Variants in KALRN observed in about 807,000 individuals in gnomAD.
KALRN encodes kalirin.
KALRN carries 70 observed loss-of-function variants against 353.7 expected under a neutral mutation model. That is an observed-to-expected ratio of 0.20 (90% CI 0.16 to 0.24). The LOEUF (loss-of-function observed/expected upper bound fraction) is 0.24. Ranked by LOEUF, KALRN falls within the 10% of genes least tolerant of loss-of-function variation. The pLI is 1.00. For synonymous variants in KALRN, 1,391 were observed against 1,434.8 expected, an observed-to-expected ratio of 0.97 and a Z score of 0.69; for missense variants, 2,791 against 3,756.7, an observed-to-expected ratio of 0.74 and a Z score of 6.72.
At chr3:124,392,978 C>T (rs1199965875) in intron 11 of KALRN, among the ~76,000 whole-genome samples, 3 of 132,052 alleles carry the variant, frequency 2.3e-5, no homozygotes, top group Non-Finnish European at 4.8e-5. Flanking sequence ...TGATATTCCC[C>T]TTCCGGAGAC....
intron 33 of KALRN, among the ~76,000 whole-genome samples, chr3:124,529,033 T>C (rs1020958941): frequency 2.6e-5 from 4 of 152,176 alleles, no homozygotes; most frequent in African/African-American, 7.2e-5. Context: ...TGAACTTATA[T>C]GTACGTGTAG....
intron 1 of KALRN, among the ~76,000 whole-genome samples, chr3:124,199,199 T>C (rs1183722380): frequency 6.6e-6 from 1 of 152,210 alleles, no homozygotes; most frequent in African/African-American, 2.4e-5. Context: ...CTGCTTCCAG[T>C]CTAGGCTTCT....
intron 1 of KALRN, among the ~76,000 whole-genome samples, chr3:124,156,661 G>A (rs958457395): frequency 7.9e-5 from 12 of 152,166 alleles, no homozygotes; most frequent in Admixed American, 3.3e-4. Context: ...CCCAGGATCT[G>A]CCATTGAGCT....
At chr3:124,377,714 T>C (rs2086779143) in intron 10 of KALRN, among the ~76,000 whole-genome samples, 1 of 152,234 alleles carries the variant, frequency 6.6e-6, no homozygotes, top group South Asian at 2.1e-4. Context: ...TAGTTTGAAC[T>C]TTTGTTGATA....
chr3:124,054,763 G>T (rs186847005), intron 1 of KALRN, among the ~76,000 whole-genome samples: 2 of 152,314 alleles, frequency 1.3e-5, no homozygotes, highest in Non-Finnish European at 2.9e-5. Flanking sequence ...AGCTTTGTGA[G>T]TTGTATGATA....
intron 1 of KALRN, among the ~76,000 whole-genome samples, chr3:124,176,353 A>G (rs1162375196): frequency 6.6e-6 from 1 of 152,124 alleles, no homozygotes; most frequent in African/African-American, 2.4e-5. Context: ...ATCCACGCAG[A>G]TTACCCACAT....
intron 14 of KALRN, among the ~76,000 whole-genome samples, chr3:124,415,956 A>C (rs1576738785): frequency 6.6e-6 from 1 of 152,218 alleles, no homozygotes; most frequent in Non-Finnish European, 1.5e-5. Context: ...ACTGTACCTT[A>C]TTAGGGAAGT....
rs756002014 is a variant in KALRN, at chr3:124,699,895, G to T, written c.7858G>T (p.Ala2620Ser). 6.2e-7 allele frequency: 1 copy of T among 1,614,180 alleles called. No individual in the cohort carries two copies. Among genetic ancestry groups the T allele is most frequent in the Admixed American group, 1.7e-5 (1 of 60,032 alleles). Reference protein sequence around the residue: ...EGSQIWQQSVASTLDTYLVIE... With the variant: ...EGSQIWQQSVSSTLDTYLVIE... ...TTCTCAGATCTGGCAGCAGTCAGTG[G>T]CTTCGACCTTGGACACTTACCTCGT... is the stretch of plus-strand genomic sequence containing the variant. The change falls in exon 56 of 60, where the codon GCT becomes TCT. Residue 2620 changes from alanine (A) to serine (S), a missense_variant. By Grantham distance (99) the Ala-to-Ser change is moderately conservative. This residue lies in a region of KALRN where 1,065 missense variants were observed against 1,156.4 expected (regional missense o/e 0.92). Coordinates refer to ENST00000682506, the MANE Select transcript of KALRN (RefSeq NM_001388419.1).
At position 124,632,661 on chromosome 3, in the gene KALRN, G is replaced by A. The variant is rs1561477455; in HGVS notation, c.5424G>A (p.Lys1808=). The A allele has an allele frequency of 1.2e-6, 2 of 1,614,178 alleles. No individual in the cohort carries two copies. The highest frequency in any genetic ancestry group is 1.1e-5 in the South Asian group (1 of 91,072). The change falls in exon 35 of 60, where the codon AAG becomes AAA. Residue 1808 remains lysine, a synonymous_variant. Transcript: ENST00000682506. ...GRKSFDLGSP[K]PGDETTPQGD... Reference sequence around the variant, plus strand: ...AGAGCTTTGACCTGGGATCTCCCAAGCCTGGGGATGAAACAACCCCTCAGG... The same window carrying A: ...AGAGCTTTGACCTGGGATCTCCCAAACCTGGGGATGAAACAACCCCTCAGG...
chr3:124,575,961 T>C (rs2074047613), intron 34 of KALRN, among the ~76,000 whole-genome samples: 1 of 152,116 alleles, frequency 6.6e-6, no homozygotes, highest in Non-Finnish European at 1.5e-5. Context: ...GCGGACGTTA[T>C]TCTGTCTACC....
At chr3:124,419,350 A>C (rs1346175580) in intron 14 of KALRN, among the ~76,000 whole-genome samples, 1 of 150,774 alleles carries the variant, frequency 6.6e-6, no homozygotes, top group East Asian at 1.9e-4. Flanking sequence ...ATTGTATCTC[A>C]CTTAGTTCTC....
intron 1 of KALRN, among the ~76,000 whole-genome samples, chr3:124,217,943 A>G (rs546282503): frequency 1.3e-5 from 2 of 152,338 alleles, no homozygotes; most frequent in Middle Eastern, 3.4e-3. Flanking sequence ...ATTGATGGTC[A>G]TGGTGAGGAC....
intron 34 of KALRN, among the ~76,000 whole-genome samples, chr3:124,631,411 A>G (rs917934424): frequency 2.0e-5 from 3 of 152,064 alleles, no homozygotes; most frequent in Non-Finnish European, 2.9e-5. Context: ...CTAAACTCCT[A>G]TATTTCCTCC....
intron 1 of KALRN, among the ~76,000 whole-genome samples, chr3:124,048,675 G>A (rs1305925981): frequency 2.6e-5 from 4 of 152,160 alleles, no homozygotes; most frequent in African/African-American, 9.6e-5. Flanking sequence ...AGTAGAGACG[G>A]GGTTTCACCG....
intron 55 of KALRN, among the ~76,000 whole-genome samples, chr3:124,698,337 A>G (rs1452239186): frequency 6.6e-6 from 1 of 152,202 alleles, no homozygotes. Context: ...TTGTGAACAT[A>G]TTAGCCTCCT....
intron 11 of KALRN, among the ~76,000 whole-genome samples, chr3:124,389,684 C>T (rs1377702776): frequency 6.6e-6 from 1 of 152,154 alleles, no homozygotes; most frequent in Non-Finnish European, 1.5e-5. Context: ...TTATTAATGA[C>T]ATGAGGAAGA....
chr3:124,547,625 C>T (rs1168120492), intron 33 of KALRN, among the ~76,000 whole-genome samples: 1 of 152,144 alleles, frequency 6.6e-6, no homozygotes, highest in African/African-American at 2.4e-5. Context: ...GAGTGACTGT[C>T]TCTAGATTGG....
chr3:124,145,413 T>G (rs2067211141), intron 1 of KALRN, among the ~76,000 whole-genome samples: 1 of 152,186 alleles, frequency 6.6e-6, no homozygotes. Flanking sequence ...TCTCTGGGTC[T>G]GAGATGTAGG....
intron 10 of KALRN, among the ~76,000 whole-genome samples, chr3:124,375,288 AT>A (rs2149832775): frequency 1.3e-5 from 2 of 152,256 alleles, no homozygotes; most frequent in South Asian, 4.2e-4. Context: ...CGCACGCCTC[AT>A]TTTGGTCTCC....
Sources: allele counts gnomAD v4.1 joint callset (sites outside exome capture counted in the v4.1 genomes callset), GRCh38; gene constraint gnomAD v4.1.1; regional missense constraint gnomAD v4.1.1; transcripts MANE v1.5; gene names NCBI Gene and HGNC (gene_info 2026-07-23, HGNC 2026-07-21).